The following UST variants were observed in gnomAD, a reference collection of about 807,000 sequenced individuals.
UST encodes chondroitin sulfate 2-O-sulfotransferase.
UST carries 21 observed loss-of-function variants against 45.6 expected under a neutral mutation model. That is an observed-to-expected ratio of 0.46 (90% CI 0.33 to 0.66). The LOEUF is 0.66. UST is among the 30% of genes least tolerant of loss of function. UST has a pLI of 0.02. For synonymous variants in UST, 215 were observed against 200.6 expected (o/e 1.07, Z -0.61); for missense variants, 463 against 512.4 (o/e 0.90, Z 0.93).
rs935447858 is a variant in UST at position 149,042,962 on chromosome 6, T to A, written c.937+21481T>A. 1.6e-4 allele frequency among the ~76,000 whole-genome samples: 10 copies of A among 62,360 alleles called. No individual in the cohort carries two copies. In the South Asian group the frequency reaches 2.8e-3, roughly 17 times the overall value. 40.9% of individuals were successfully genotyped at this position (62,360 alleles called of 152,430 possible). ...GCTGCTCCATCACCATCCTTTTCTT[T>A]CTTTCTTTCTTTCTTTCTTTCTTTC... On this transcript the variant is annotated intron_variant, in intron 7 of 7. Transcript: ENST00000367463.
intron 2 of UST, among the ~76,000 whole-genome samples, chr6:148,940,458 A>G (rs929558661): frequency 2.0e-5 from 3 of 152,104 alleles, no homozygotes; most frequent in Admixed American, 1.3e-4. Context: ...ATGCCACTGC[A>G]CTCCAGCCTG....
chr6:148,983,649 T>C (rs1344467350), intron 5 of UST, among the ~76,000 whole-genome samples: 1 of 152,146 alleles, frequency 6.6e-6, no homozygotes, highest in East Asian at 1.9e-4. Context: ...GAAAAGCGAA[T>C]GTAGGAAATA....
intron 7 of UST, among the ~76,000 whole-genome samples, chr6:149,046,772 T>A (rs117669541): frequency 6.6e-6 from 1 of 152,362 alleles, no homozygotes; most frequent in Non-Finnish European, 1.5e-5. Flanking sequence ...GGTTTTCAAG[T>A]GCTCAACTTA....
intron 7 of UST, among the ~76,000 whole-genome samples, chr6:149,022,232 A>G (rs1197082902): frequency 6.6e-6 from 1 of 152,214 alleles, no homozygotes; most frequent in East Asian, 1.9e-4. Flanking sequence ...AGCCTTGAAT[A>G]CACATTCAGT....
chr6:148,885,424 A>C (rs966926100), intron 1 of UST, among the ~76,000 whole-genome samples: 8 of 152,192 alleles, frequency 5.3e-5, no homozygotes, highest in Non-Finnish European at 1.2e-4. Flanking sequence ...ACTAAATCCA[A>C]CATAGATCTT....
intron 5 of UST, among the ~76,000 whole-genome samples, chr6:148,982,274 T>C (rs1433985679): frequency 6.6e-6 from 1 of 152,102 alleles, no homozygotes; most frequent in African/African-American, 2.4e-5. Context: ...AATTTTTTTA[T>C]TTTTAGTAGA....
rs144275091 is a variant in UST at position 148,836,506 on chromosome 6, G to A, written c.248-50480G>A. Among the ~76,000 whole-genome samples the A allele has an allele frequency of 1.6e-4, 24 of 152,290 alleles. No individual in the cohort carries two copies. The East Asian group carries it at 4.4e-3, about 28-fold the overall frequency. On this transcript the variant is annotated intron_variant, in intron 1 of 7. Transcript: ENST00000367463. ...TGAACTGATTCCAGCGTTCAGGCAC[G>A]AACCTTTTCGCTGAGTCGCCTTGGG...
At chr6:148,927,426 C>A (rs571968302) in intron 2 of UST, among the ~76,000 whole-genome samples, 2 of 151,888 alleles carry the variant, frequency 1.3e-5, no homozygotes, top group African/African-American at 4.8e-5. Flanking sequence ...ATGGTAATGT[C>A]GTTCTCATTT....
chr6:148,890,979 A>T (rs1779007587), intron 2 of UST, among the ~76,000 whole-genome samples: 1 of 152,202 alleles, frequency 6.6e-6, no homozygotes, highest in South Asian at 2.1e-4. Flanking sequence ...ATATGTTTGT[A>T]TGTATGCCTA....
At chr6:148,858,161 C>T (rs139732419) in intron 1 of UST, among the ~76,000 whole-genome samples, 1 of 152,246 alleles carries the variant, frequency 6.6e-6, no homozygotes, top group East Asian at 1.9e-4. Context: ...CACACGATCA[C>T]AAGGTGAAGT....
At chr6:148,782,378 A>C (rs1439306320) in intron 1 of UST, among the ~76,000 whole-genome samples, 1 of 152,200 alleles carries the variant, frequency 6.6e-6, no homozygotes, top group Non-Finnish European at 1.5e-5. Flanking sequence ...CTAAAATTAG[A>C]AGTGGAACCT....
intron 1 of UST, among the ~76,000 whole-genome samples, chr6:148,837,646 G>T (rs1777811017): frequency 6.6e-6 from 1 of 151,820 alleles, no homozygotes; most frequent in Admixed American, 6.6e-5. Flanking sequence ...CACTTTTCTG[G>T]GTTCTAAGGT....
intron 7 of UST, among the ~76,000 whole-genome samples, chr6:149,037,787 T>G (rs1776258400): frequency 6.6e-6 from 1 of 152,252 alleles, no homozygotes; most frequent in Non-Finnish European, 1.5e-5. Context: ...ATTTTTATCG[T>G]CATTTACAAA....
At chr6:148,756,194 T>C (rs1037660473) in intron 1 of UST, among the ~76,000 whole-genome samples, 1 of 152,066 alleles carries the variant, frequency 6.6e-6, no homozygotes, top group Admixed American at 6.6e-5. Context: ...GCTCATCCTT[T>C]TTTATGGCTG....
intron 5 of UST, among the ~76,000 whole-genome samples, chr6:149,010,750 G>A (rs548987994): frequency 2.8e-4 from 43 of 151,436 alleles, no homozygotes; most frequent in African/African-American, 7.5e-4. Flanking sequence ...AAAATTAGCC[G>A]GGTGTGGTGA....
At chr6:149,061,549 G>T (rs957506159) in intron 7 of UST, among the ~76,000 whole-genome samples, 16 of 139,360 alleles carry the variant, frequency 1.1e-4, no homozygotes, top group Non-Finnish European at 2.5e-4. Flanking sequence ...AGTTAAGCTA[G>T]TGTTTGTTTG....
chr6:148,841,412 C>T (rs999691485), intron 1 of UST, among the ~76,000 whole-genome samples: 14 of 152,166 alleles, frequency 9.2e-5, no homozygotes, highest in Non-Finnish European at 2.1e-4. Context: ...GTGGGAAGTG[C>T]TATTCCATGT....
chr6:148,993,781 T>C (rs1781398506), intron 5 of UST, among the ~76,000 whole-genome samples: 1 of 152,090 alleles, frequency 6.6e-6, no homozygotes. Flanking sequence ...TTGCTCCTGC[T>C]TTTGCCATGT....
chr6:148,958,981 C>T (rs1780586807), intron 4 of UST: 1 of 152,296 alleles, frequency 6.6e-6, no homozygotes, highest in Non-Finnish European at 1.5e-5. Flanking sequence ...CCCTCACCTT[C>T]CTTTGCTTCC....
Sources: allele counts gnomAD v4.1 joint callset (sites outside exome capture counted in the v4.1 genomes callset), GRCh38; gene constraint gnomAD v4.1.1; transcripts MANE v1.5; gene names NCBI Gene and HGNC (gene_info 2026-07-23, HGNC 2026-07-21).